Variants in KCNK1 observed in about 807,000 individuals in gnomAD.
KCNK1 encodes potassium two pore domain channel subfamily K member 1.
A neutral mutation model predicts 22.2 loss-of-function variants in KCNK1; 10 were observed. That is an observed-to-expected ratio of 0.45 (90% CI 0.28 to 0.76). The LOEUF (loss-of-function observed/expected upper bound fraction) is 0.76, where lower values mean the gene tolerates loss of function less well. Ranked by LOEUF, KCNK1 falls within the 30% of genes least tolerant of loss-of-function variation. KCNK1 has a pLI of 0.14. For synonymous variants in KCNK1, 200 were observed against 186.4 expected, an observed-to-expected ratio of 1.07 and a Z score of -0.60; for missense variants, 378 against 421.0, an observed-to-expected ratio of 0.90 and a Z score of 0.89.
intron 1 of KCNK1, among the ~76,000 whole-genome samples, chr1:233,640,441 A>G (rs1264166675): frequency 6.6e-6 from 1 of 152,234 alleles, no homozygotes; most frequent in Admixed American, 6.5e-5. Context: ...CGGACTCATT[A>G]TATTCTAATT....
intron 1 of KCNK1, among the ~76,000 whole-genome samples, chr1:233,636,892 T>G (rs1657906988): frequency 1.3e-5 from 2 of 151,700 alleles, no homozygotes; most frequent in African/African-American, 4.8e-5. Flanking sequence ...GATCAAGAGA[T>G]GGTGTTTAAG....
intron 1 of KCNK1, among the ~76,000 whole-genome samples, chr1:233,659,783 C>T (rs1383970111): frequency 6.6e-6 from 1 of 151,980 alleles, no homozygotes; most frequent in Non-Finnish European, 1.5e-5. Flanking sequence ...ACTGAAACGT[C>T]GTTATGTGGT....
intron 1 of KCNK1, among the ~76,000 whole-genome samples, chr1:233,617,833 A>G (rs1657511412): frequency 6.6e-6 from 1 of 152,176 alleles, no homozygotes; most frequent in Admixed American, 6.5e-5. Flanking sequence ...CCAGCTACCT[A>G]GAAGGCTGAG....
At chr1:233,618,810 G>A (rs61824268) in intron 1 of KCNK1, among the ~76,000 whole-genome samples, 17,346 of 152,030 alleles carry the variant, frequency 0.11, 1,046 homozygotes, top group Middle Eastern at 0.17. Context: ...CTTGAACCCG[G>A]GAGGCGGAGG....
At chr1:233,653,905 T>G (rs183162872) in intron 1 of KCNK1, among the ~76,000 whole-genome samples, 1 of 152,252 alleles carries the variant, frequency 6.6e-6, no homozygotes, top group African/African-American at 2.4e-5. Flanking sequence ...TGGGAGTGCT[T>G]CTAACGAATG....
At chr1:233,650,897 C>T (rs540452847) in intron 1 of KCNK1, among the ~76,000 whole-genome samples, 6 of 152,246 alleles carry the variant, frequency 3.9e-5, no homozygotes, top group Admixed American at 2.6e-4. Context: ...GTTTCCCTCC[C>T]GGGGGCACCA....
At chr1:233,640,025 G>A (rs747643286) in intron 1 of KCNK1, among the ~76,000 whole-genome samples, 1 of 152,174 alleles carries the variant, frequency 6.6e-6, no homozygotes, top group Non-Finnish European at 1.5e-5. Flanking sequence ...TTTACAAAGG[G>A]GACTGTAAGC....
At chr1:233,629,388 A>G (rs923543164) in intron 1 of KCNK1, among the ~76,000 whole-genome samples, 4 of 152,050 alleles carry the variant, frequency 2.6e-5, no homozygotes, top group African/African-American at 9.7e-5. Context: ...GAGGGTTGTT[A>G]AGGAAAGGGA....
chr1:233,629,017 A>G (rs1213952845), intron 1 of KCNK1, among the ~76,000 whole-genome samples: 1 of 152,184 alleles, frequency 6.6e-6, no homozygotes, highest in Non-Finnish European at 1.5e-5. Context: ...AAGGCTAAGT[A>G]AGACCCCCTT....
chr1:233,664,836 T>C (rs1173540440), intron 1 of KCNK1, among the ~76,000 whole-genome samples: 1 of 152,266 alleles, frequency 6.6e-6, no homozygotes, highest in African/African-American at 2.4e-5. Context: ...AGAGATCAGA[T>C]TTTGAAACTA....
intron 1 of KCNK1, among the ~76,000 whole-genome samples, chr1:233,641,770 C>G (rs1558113891): frequency 6.6e-6 from 1 of 152,134 alleles, no homozygotes; most frequent in Non-Finnish European, 1.5e-5. Context: ...AGTGCATGTC[C>G]CATGAGAGAA....
At chr1:233,642,521 G>T (rs1300519489) in intron 1 of KCNK1, among the ~76,000 whole-genome samples, 1 of 152,110 alleles carries the variant, frequency 6.6e-6, no homozygotes, top group African/African-American at 2.4e-5. Flanking sequence ...AAGGGCAGGG[G>T]GTGTTCTGAG....
chr1:233,638,101 C>T (rs1657934820), intron 1 of KCNK1, among the ~76,000 whole-genome samples: 1 of 151,524 alleles, frequency 6.6e-6, no homozygotes. Flanking sequence ...TAGTAAAATA[C>T]TGGTGTGGCT....
rs984115041 is a variant in KCNK1, at chr1:233,671,663, C to T, written c.*133C>T. The T allele has an allele frequency of 1.0e-4, 109 of 1,056,660 alleles. No individual in the cohort carries two copies. The highest frequency in any genetic ancestry group is 6.3e-4 in the Middle Eastern group (2 of 3,190). 65.5% of individuals were successfully genotyped at this position (1,056,660 alleles called of 1,614,324 possible). On this transcript the variant is annotated 3_prime_UTR_variant, in exon 3 of 3. Coordinates refer to ENST00000366621, the MANE Select transcript of KCNK1 (RefSeq NM_002245.4). Reference sequence around the variant, plus strand: ...AAGAAATAGCTACTGTTTGCAATGTCTTATTAAAAAACAACAAAAAAAGAC... The same window carrying T: ...AAGAAATAGCTACTGTTTGCAATGTTTTATTAAAAAACAACAAAAAAAGAC...
At chr1:233,631,800 A>G (rs981522342) in intron 1 of KCNK1, among the ~76,000 whole-genome samples, 2 of 152,120 alleles carry the variant, frequency 1.3e-5, no homozygotes, top group African/African-American at 4.8e-5. Flanking sequence ...TTACATGCTG[A>G]TAGATTCTGG....
At chr1:233,623,310 A>T (rs1042557202) in intron 1 of KCNK1, among the ~76,000 whole-genome samples, 2 of 152,134 alleles carry the variant, frequency 1.3e-5, no homozygotes, top group African/African-American at 2.4e-5. Flanking sequence ...ATGGGGAGAG[A>T]TTTGTTACAG....
rs1419143645 is a variant in KCNK1 at position 233,672,068 on chromosome 1, A to G, written c.*538A>G. 1 of 156,084 alleles carries G rather than the reference A, an allele frequency of 6.4e-6. No individual in the cohort carries two copies. Among genetic ancestry groups the G allele is most frequent in the East Asian group, 1.9e-4 (1 of 5,266 alleles). The allele number at this position is 156,084 out of a possible 1,614,324, so 9.7% of individuals were successfully genotyped here. On this transcript the variant is annotated 3_prime_UTR_variant, in exon 3 of 3. Coordinates refer to ENST00000366621, the MANE Select transcript of KCNK1 (RefSeq NM_002245.4). ...GTAACCATTAACTATGTACATATAA[A>G]GTATAAATATGTTTATATTCTGTAC...
intron 1 of KCNK1, among the ~76,000 whole-genome samples, chr1:233,634,944 A>G (rs1287233107): frequency 1.3e-5 from 2 of 152,194 alleles, no homozygotes; most frequent in Non-Finnish European, 2.9e-5. Context: ...TTAAATTGAT[A>G]TATATTATAA....
intron 2 of KCNK1, among the ~76,000 whole-genome samples, chr1:233,668,697 C>G (rs1658541786): frequency 1.3e-5 from 2 of 152,124 alleles, no homozygotes; most frequent in South Asian, 4.2e-4. Context: ...CCTCCACCTC[C>G]CGGGTTCAAG....
Sources: gnomAD v4.1 joint callset for allele counts (sites outside exome capture counted in the v4.1 genomes callset) on GRCh38, gnomAD v4.1.1 for gene constraint, MANE v1.5 for transcripts, NCBI Gene and HGNC (gene_info 2026-07-23, HGNC 2026-07-21) for gene names.